The following ZNF423 variants were observed in gnomAD, a reference collection of about 807,000 sequenced individuals.
ZNF423 encodes zinc finger protein 423.
A neutral mutation model predicts 95.8 loss-of-function variants in ZNF423; 12 were observed. The ratio of observed to expected loss-of-function variants is 0.13; its 90% CI spans 0.08 to 0.20. The LOEUF is 0.20. Ranked by LOEUF, ZNF423 falls within the 10% of genes least tolerant of loss-of-function variation. ZNF423 has a pLI of 1.00. For synonymous variants in ZNF423, 749 were observed against 711.9 expected, an observed-to-expected ratio of 1.05 and a Z score of -0.83; for missense variants, 1,316 against 1,737.1, an observed-to-expected ratio of 0.76 and a Z score of 4.31.
At chr16:49,827,168 G>A (rs1024575875) in intron 1 of ZNF423, among the ~76,000 whole-genome samples, 3 of 152,062 alleles carry the variant, frequency 2.0e-5, no homozygotes, top group Admixed American at 6.6e-5. Context: ...TACATCTCCC[G>A]GCCCAGGTCA....
In ZNF423 at chr16:49,635,611, G is replaced by C; in HGVS notation, c.3516+49C>G. On this transcript the variant is annotated intron_variant, in intron 4 of 7. Coordinates refer to ENST00000563137, the MANE Select transcript of ZNF423 (RefSeq NM_001379286.1). This position sits in a 1 kb window ranked among gnomAD's most constrained non-coding sequence, Gnocchi z 4.8. ...TACGTGGCTCCTGTGGGGACCAGAGGAGCCCCAAGGAGAGGAGCAGGGAGC... is the reference window on the plus strand; with the variant it reads ...TACGTGGCTCCTGTGGGGACCAGAGCAGCCCCAAGGAGAGGAGCAGGGAGC... 6.6e-7 allele frequency: 1 copy of C among 1,505,690 alleles called. No individual in the cohort carries two copies. Among genetic ancestry groups the C allele is most frequent in the Non-Finnish European group, 8.9e-7 (1 of 1,129,864 alleles). 93.3% of individuals were successfully genotyped at this position (1,505,690 alleles called of 1,614,324 possible). A position where few individuals can be genotyped will look rare whatever the true frequency, so the allele number is the denominator to read the frequency against.
intron 3 of ZNF423, among the ~76,000 whole-genome samples, chr16:49,670,963 C>A (rs966291584): frequency 6.6e-6 from 1 of 152,160 alleles, no homozygotes; most frequent in African/African-American, 2.4e-5. Flanking sequence ...GCCAGCAACG[C>A]CAGGGGACAA....
At chr16:49,755,418 G>A (rs943217757) in intron 2 of ZNF423, among the ~76,000 whole-genome samples, 6 of 152,122 alleles carry the variant, frequency 3.9e-5, no homozygotes, top group Non-Finnish European at 8.8e-5. Context: ...AGTTCACAAG[G>A]AAAGTTCATT....
At chr16:49,828,376 T>G (rs1482579278) in intron 1 of ZNF423, among the ~76,000 whole-genome samples, 1 of 152,238 alleles carries the variant, frequency 6.6e-6, no homozygotes, top group Non-Finnish European at 1.5e-5. Context: ...CCATGTAACT[T>G]GTGATGGCTT....
chr16:49,776,357 A>G (rs1410021694), intron 2 of ZNF423, among the ~76,000 whole-genome samples: 7 of 152,192 alleles, frequency 4.6e-5, no homozygotes, highest in Non-Finnish European at 2.9e-5. Context: ...GCCCCATTCC[A>G]AGCTGGCCAG....
chr16:49,814,197 C>T (rs2034799770), intron 1 of ZNF423, among the ~76,000 whole-genome samples: 1 of 152,180 alleles, frequency 6.6e-6, no homozygotes, highest in South Asian at 2.1e-4. Context: ...AGCAGTGGGA[C>T]TCCAGACGGG....
rs112606768 is a variant in ZNF423, at chr16:49,767,019, G to A, written c.100+22468C>T. Among the ~76,000 whole-genome samples the A allele has an allele frequency of 4.0e-3, 599 of 150,516 alleles. 1 individual carries two copies. Among genetic ancestry groups the A allele is most frequent in the Non-Finnish European group, 4.7e-3 (321 of 67,754 alleles). ...AGGGTCTCACTCTGTTGCCCAAGCT[G>A]TAGTGCAGTGGTGCAAACACAGCTC... On this transcript the variant is annotated intron_variant, in intron 2 of 7. Coordinates refer to ENST00000563137, the MANE Select transcript of ZNF423 (RefSeq NM_001379286.1).
chr16:49,617,257 C>G (rs765065996), intron 5 of ZNF423, among the ~76,000 whole-genome samples: 27 of 152,314 alleles, frequency 1.8e-4, no homozygotes, highest in Admixed American at 5.2e-4. Flanking sequence ...GATCCAAGGC[C>G]AGGTCTGAGG....
intron 1 of ZNF423, among the ~76,000 whole-genome samples, chr16:49,805,833 A>C (rs945764143): frequency 1.3e-5 from 2 of 152,266 alleles, no homozygotes; most frequent in African/African-American, 4.8e-5. Flanking sequence ...ACACAGGTAA[A>C]GATCTCAGCT....
At chr16:49,504,302 A>T (rs1441295356) in intron 7 of ZNF423, among the ~76,000 whole-genome samples, 1 of 152,224 alleles carries the variant, frequency 6.6e-6, no homozygotes. Flanking sequence ...ACAGTGGCTC[A>T]CACCTGTAAT....
At chr16:49,594,708 T>A (rs1016648065) in intron 5 of ZNF423, among the ~76,000 whole-genome samples, 2 of 152,032 alleles carry the variant, frequency 1.3e-5, no homozygotes, top group Non-Finnish European at 2.9e-5. Flanking sequence ...TCTAAACCCA[T>A]AAACAGAAGA....
intron 1 of ZNF423, among the ~76,000 whole-genome samples, chr16:49,815,914 A>ATATATATT (rs1445194160): frequency 1.7e-4 from 5 of 29,798 alleles, no homozygotes; most frequent in East Asian, 2.4e-3. Context: ...ATATATATAT[A>ATATATATT]TTTTTTTTTT....
chr16:49,672,197 C>T (rs985707409), intron 3 of ZNF423, among the ~76,000 whole-genome samples: 1 of 152,158 alleles, frequency 6.6e-6, no homozygotes, highest in African/African-American at 2.4e-5. Context: ...CCATAAATAG[C>T]TTCACATCAG....
intron 2 of ZNF423, among the ~76,000 whole-genome samples, chr16:49,778,950 A>C (rs1265217941): frequency 6.6e-6 from 1 of 152,218 alleles, no homozygotes; most frequent in Admixed American, 6.5e-5. Flanking sequence ...CCCATTTCCG[A>C]TGAGAAAATG....
intron 5 of ZNF423, among the ~76,000 whole-genome samples, chr16:49,615,868 G>A (rs187467053): frequency 2.0e-3 from 304 of 152,228 alleles, no homozygotes; most frequent in African/African-American, 6.2e-3. Flanking sequence ...GGGCAGCCAC[G>A]TGCTTGACCA....
chr16:49,669,843 C>A (rs1290106685), intron 3 of ZNF423, among the ~76,000 whole-genome samples: 3 of 152,200 alleles, frequency 2.0e-5, no homozygotes, highest in Admixed American at 6.5e-5. Context: ...TACTCTACTC[C>A]AAGCCTCAGT....
intron 7 of ZNF423, among the ~76,000 whole-genome samples, chr16:49,501,389 T>C (rs778676615): frequency 9.2e-5 from 14 of 152,226 alleles, no homozygotes; most frequent in Non-Finnish European, 1.8e-4. Context: ...TTGTTTAAAA[T>C]ATCAGCTTTC....
chr16:49,607,651 C>T (rs1427450865), intron 5 of ZNF423, among the ~76,000 whole-genome samples: 1 of 152,192 alleles, frequency 6.6e-6, no homozygotes, highest in African/African-American at 2.4e-5. Context: ...TTAATAGGCC[C>T]ATAATTAATT....
At chr16:49,807,264 T>C (rs1472788426) in intron 1 of ZNF423, among the ~76,000 whole-genome samples, 1 of 151,510 alleles carries the variant, frequency 6.6e-6, no homozygotes, top group Non-Finnish European at 1.5e-5. Context: ...ACCCCATCTC[T>C]ACTAAAAATA....
Sources: allele counts gnomAD v4.1 joint callset (sites outside exome capture counted in the v4.1 genomes callset), GRCh38; gene constraint gnomAD v4.1.1; non-coding constraint Gnocchi (gnomAD v3.1); transcripts MANE v1.5; gene names NCBI Gene and HGNC (gene_info 2026-07-23, HGNC 2026-07-21).